The following PLXDC2 variants were observed in gnomAD, a reference collection of about 807,000 sequenced individuals.
The protein encoded by PLXDC2 is plexin domain-containing protein 2.
A neutral mutation model predicts 68.9 loss-of-function variants in PLXDC2; 40 were observed. The ratio of observed to expected loss-of-function variants is 0.58; its 90% CI spans 0.45 to 0.76. The LOEUF (loss-of-function observed/expected upper bound fraction) is 0.76. Among genes scored for constraint, PLXDC2 ranks in the 30% least tolerant of loss-of-function variants. The pLI is 0.00. For synonymous variants in PLXDC2, 243 were observed against 234.2 expected, an observed-to-expected ratio of 1.04 and a Z score of -0.34; for missense variants, 644 against 661.9, an observed-to-expected ratio of 0.97 and a Z score of 0.30.
intron 1 of PLXDC2, among the ~76,000 whole-genome samples, chr10:19,856,307 A>G (rs1313773541): frequency 1.3e-5 from 2 of 151,914 alleles, no homozygotes; most frequent in Non-Finnish European, 2.9e-5. Context: ...ATAACATTAT[A>G]CTAATAAAAG....
At chr10:20,189,556 C>CACACATATAT (rs369119157) in intron 9 of PLXDC2, among the ~76,000 whole-genome samples, 23 of 124,754 alleles carry the variant, frequency 1.8e-4, no homozygotes, top group African/African-American at 4.9e-4. Flanking sequence ...CACACACACA[C>CACACATATAT]ATATATATAT....
chr10:20,238,678 T>TATATATATATATATATATATAC (rs1564363483), intron 12 of PLXDC2, among the ~76,000 whole-genome samples: 19 of 41,662 alleles, frequency 4.6e-4, no homozygotes, highest in African/African-American at 2.0e-3. Context: ...TATATATATG[T>TATATATATATATATATATATAC]ATATATATAT....
At chr10:19,941,132 C>T (rs767319089) in intron 1 of PLXDC2, among the ~76,000 whole-genome samples, 1 of 152,154 alleles carries the variant, frequency 6.6e-6, no homozygotes, top group Non-Finnish European at 1.5e-5. Flanking sequence ...AGGATAAATG[C>T]TTCTGATTCC....
intron 5 of PLXDC2, among the ~76,000 whole-genome samples, 176 bp from the exon 6 acceptor site, chr10:20,147,608 T>TA (rs939195329): frequency 5.9e-5 from 9 of 152,158 alleles, no homozygotes; most frequent in African/African-American, 1.7e-4. Flanking sequence ...CTCAATCCTT[T>TA]AAAAAAAATC....
Position 20,177,113 on chromosome 10 carries a change from C to T in PLXDC2, c.979+19C>T. On this transcript the variant is annotated intron_variant, in intron 8 of 13. Transcript: ENST00000377252. ...TTACCCAGTAAGCGAATATGTAAACCTAGGTGGAAAACATGATTTCTAAAT... is the reference window on the plus strand; with the variant it reads ...TTACCCAGTAAGCGAATATGTAAACTTAGGTGGAAAACATGATTTCTAAAT... 1.3e-6 allele frequency: 2 copies of T among 1,554,366 alleles called. No homozygotes were observed. Among genetic ancestry groups the T allele is most frequent in the Non-Finnish European group, 1.8e-6 (2 of 1,128,222 alleles).
chr10:19,947,707 C>CTTTTTTTTTTTTTTTTTTTTCTTTTTTTT (rs34439585), intron 1 of PLXDC2, among the ~76,000 whole-genome samples: 1 of 120,976 alleles, frequency 8.3e-6, no homozygotes, highest in African/African-American at 3.0e-5. Flanking sequence ...TTCTTTCTTT[C>CTTTTTTTTTTTTTTTTTTTTCTTTTTTTT]TTTTTTTTTT....
chr10:20,160,695 G>T (rs1834278870), intron 6 of PLXDC2, among the ~76,000 whole-genome samples: 1 of 151,956 alleles, frequency 6.6e-6, no homozygotes, highest in South Asian at 2.1e-4. Context: ...TATGTATATT[G>T]GGCTTAGTTT....
chr10:19,917,569 T>G (rs1316081707), intron 1 of PLXDC2, among the ~76,000 whole-genome samples: 1 of 152,210 alleles, frequency 6.6e-6, no homozygotes, highest in Non-Finnish European at 1.5e-5. Flanking sequence ...TGAAAGGGAA[T>G]GCAGTTTCTG....
chr10:20,076,325 A>T (rs1421972202), intron 4 of PLXDC2, among the ~76,000 whole-genome samples: 1 of 152,216 alleles, frequency 6.6e-6, no homozygotes, highest in Non-Finnish European at 1.5e-5. Context: ...AGATAAATAG[A>T]CTTTTGAATC....
chr10:19,853,085 G>T (rs1365464180), intron 1 of PLXDC2, among the ~76,000 whole-genome samples: 1 of 152,142 alleles, frequency 6.6e-6, no homozygotes, highest in Non-Finnish European at 1.5e-5. Flanking sequence ...CTCAATAAAG[G>T]TTACAGATAA....
chr10:20,032,398 T>C (rs1835513636), intron 2 of PLXDC2, among the ~76,000 whole-genome samples: 1 of 152,164 alleles, frequency 6.6e-6, no homozygotes, highest in Non-Finnish European at 1.5e-5. Context: ...TATTGGATTT[T>C]ATTCTAAGTG....
chr10:20,235,334 A>G (rs1483313889), intron 12 of PLXDC2, among the ~76,000 whole-genome samples: 1 of 152,234 alleles, frequency 6.6e-6, no homozygotes, highest in Admixed American at 6.5e-5. Flanking sequence ...GTAGTAATCA[A>G]CAGAATATTA....
intron 4 of PLXDC2, among the ~76,000 whole-genome samples, chr10:20,098,992 A>G (rs1428002347): frequency 6.6e-6 from 1 of 152,200 alleles, no homozygotes; most frequent in Non-Finnish European, 1.5e-5. Flanking sequence ...CACAGCTAAG[A>G]ATGGGAAAAT....
intron 9 of PLXDC2, among the ~76,000 whole-genome samples, chr10:20,178,794 G>A (rs555705702): frequency 2.6e-5 from 4 of 152,154 alleles, no homozygotes; most frequent in Non-Finnish European, 4.4e-5. Context: ...TTATGATAAC[G>A]TCTGTTTTGT....
chr10:20,109,251 G>C (rs1337300933), intron 4 of PLXDC2, among the ~76,000 whole-genome samples: 1 of 152,212 alleles, frequency 6.6e-6, no homozygotes, highest in Non-Finnish European at 1.5e-5. Context: ...GAGGCATTTA[G>C]CAGTAGCTGT....
intron 9 of PLXDC2, among the ~76,000 whole-genome samples, chr10:20,189,007 AG>A (rs1209577947): frequency 2.1e-5 from 2 of 94,870 alleles, no homozygotes; most frequent in Admixed American, 1.0e-4. Context: ...TTTTATAATC[AG>A]TTTTTTTTTT....
chr10:20,206,179 T>G (rs1358856384), intron 9 of PLXDC2, among the ~76,000 whole-genome samples: 3 of 151,870 alleles, frequency 2.0e-5, no homozygotes, highest in Non-Finnish European at 4.4e-5. Context: ...ATACAATCAT[T>G]CAAAAAAAAA....
chr10:19,929,466 T>A (rs539800707), intron 1 of PLXDC2, among the ~76,000 whole-genome samples: 228 of 152,290 alleles, frequency 1.5e-3, no homozygotes, highest in African/African-American at 5.1e-3. Context: ...TCTCCATTTC[T>A]TTGTGGAAAT....
chr10:20,220,325 G>C (rs1005648487), intron 12 of PLXDC2, among the ~76,000 whole-genome samples: 5 of 152,152 alleles, frequency 3.3e-5, no homozygotes, highest in African/African-American at 1.2e-4. Flanking sequence ...TAAGCCCTAT[G>C]TTGGGGTTAC....
Sources: gnomAD v4.1 joint callset for allele counts (sites outside exome capture counted in the v4.1 genomes callset) on GRCh38, gnomAD v4.1.1 for gene constraint, MANE v1.5 for transcripts, NCBI Gene and HGNC (gene_info 2026-07-23, HGNC 2026-07-21) for gene names.